ADAM17: variants seen among roughly 807,000 people sequenced by gnomAD.
ADAM17 encodes the protein disintegrin and metalloproteinase domain-containing protein 17.
In ADAM17, 39 loss-of-function variants were observed where a neutral mutation model predicts 96.7. The observed-to-expected ratio is 0.40, with a 90% CI of 0.31 to 0.53. ADAM17 has a LOEUF of 0.53. ADAM17 is among the 20% of genes least tolerant of loss of function. ADAM17 has a pLI of 0.44. For missense variants in ADAM17, 777 were observed against 1,013.2 expected (o/e 0.77, Z 3.17); for synonymous variants, 344 against 359.2 (o/e 0.96, Z 0.48).
chr2:9,491,084 T>G lies in ADAM17; in HGVS notation c.2133+17A>C, dbSNP rs1167969735. On this transcript the variant is annotated intron_variant, in intron 18 of 18. Coordinates refer to ENST00000310823, the MANE Select transcript of ADAM17 (RefSeq NM_003183.6). ...AGACCAGGCGAAGATTATGTTTCTT[T>G]CATATGGTATACTTACACTGGGGTG... 6.2e-7 allele frequency: 1 copy of G among 1,608,952 alleles called. No individual in the cohort carries two copies. The highest frequency in any genetic ancestry group is 1.1e-5 in the South Asian group (1 of 90,668).
intron 15 of ADAM17, 23 bp from the exon 16 acceptor site, chr2:9,493,848 C>G (rs1051166977): frequency 1.9e-6 from 3 of 1,581,400 alleles, no homozygotes; most frequent in Non-Finnish European, 2.6e-6. Context: ...AACATACATA[C>G]AGCATCATTC....
chr2:9,527,161 A>G (rs540693935), intron 5 of ADAM17, among the ~76,000 whole-genome samples: 15 of 152,216 alleles, frequency 9.9e-5, no homozygotes, highest in African/African-American at 3.6e-4. Flanking sequence ...CATCTCCACT[A>G]AAAATACAAA....
chr2:9,546,602 C>T (rs1033635003), intron 1 of ADAM17, among the ~76,000 whole-genome samples: 3 of 152,112 alleles, frequency 2.0e-5, no homozygotes, highest in Non-Finnish European at 4.4e-5. Context: ...TATCCATATC[C>T]AATTCTCTCA....
chr2:9,528,275 T>G (rs1664606209), intron 4 of ADAM17, among the ~76,000 whole-genome samples: 1 of 152,188 alleles, frequency 6.6e-6, no homozygotes, highest in African/African-American at 2.4e-5. Context: ...TTCAAAAATA[T>G]TATGTAATAT....
intron 4 of ADAM17, among the ~76,000 whole-genome samples, chr2:9,533,471 C>G (rs2125032432): frequency 6.6e-6 from 1 of 151,634 alleles, no homozygotes. Flanking sequence ...GGCTTGAACC[C>G]AGGAGGCAGA....
Position 9,489,149 on chromosome 2 carries a change from CTG to C in ADAM17, c.*1026_*1027del, listed in dbSNP as rs1661852291. Reference sequence around the variant, plus strand: ...GCTGGCTCATCACATTCAAAACAACCTGTTTTTTTTGTTGTTGTTGTTGTTAA... The same window carrying C: ...GCTGGCTCATCACATTCAAAACAACCTTTTTTTTGTTGTTGTTGTTGTTAA... On this transcript the variant is annotated 3_prime_UTR_variant, in exon 19 of 19. Transcript: ENST00000310823. 2.6e-5 allele frequency: 3 copies of C among 115,558 alleles called. No individual in the cohort carries two copies. Among genetic ancestry groups the C allele is most frequent in the African/African-American group, 9.4e-5 (3 of 31,918 alleles). 7.2% of individuals were successfully genotyped at this position (115,558 alleles called of 1,614,324 possible). A position where few individuals can be genotyped will look rare whatever the true frequency, so the allele number is the denominator to read the frequency against.
intron 17 of ADAM17, among the ~76,000 whole-genome samples, chr2:9,491,976 G>C (rs369619105): frequency 6.6e-6 from 1 of 152,182 alleles, no homozygotes; most frequent in East Asian, 1.9e-4. Flanking sequence ...CTTCAAGCAC[G>C]TCACCTTCAG....
At chr2:9,521,360 G>T in intron 7 of ADAM17, 44 bp from the exon 8 acceptor site, 1 of 1,367,788 alleles carries the variant, frequency 7.3e-7, no homozygotes, top group Non-Finnish European at 1.0e-6. Context: ...TCCAAAATAA[G>T]TCAGAAGGCT....
intron 14 of ADAM17, among the ~76,000 whole-genome samples, chr2:9,495,849 C>G (rs935554999): frequency 4.7e-5 from 7 of 150,084 alleles, no homozygotes; most frequent in African/African-American, 1.2e-4. Flanking sequence ...TTGGCATCTG[C>G]TACGTGTTAC....
At chr2:9,513,242 C>G (rs1393539921) in intron 10 of ADAM17, among the ~76,000 whole-genome samples, 1 of 152,212 alleles carries the variant, frequency 6.6e-6, no homozygotes, top group South Asian at 2.1e-4. Context: ...TATCTACCCA[C>G]CTCGGCCTCC....
Position 9,527,888 on chromosome 2 carries a change from TG to T in ADAM17, c.516del (p.Lys173ArgfsTer15). On this transcript the variant is annotated frameshift_variant, in exon 5 of 19. Coordinates refer to ENST00000310823, the MANE Select transcript of ADAM17 (RefSeq NM_003183.6). LOFTEE classifies it high-confidence loss of function. ...GGAGACTGCAAACGTGAAACATTCTTGATATCTTCAGATTTATAAACTAACA... is the reference window on the plus strand; with the variant it reads ...GGAGACTGCAAACGTGAAACATTCTTATATCTTCAGATTTATAAACTAACA... ...KRMLVYKSEDIKNVSRLQSPK... is the reference protein window; with the variant it reads ...KRMLVYKSEDXKNVSRLQSPK... 1 of 1,597,720 alleles carries T rather than the reference TG, an allele frequency of 6.3e-7. No individual in the cohort carries two copies. Among genetic ancestry groups the T allele is most frequent in the Non-Finnish European group, 8.5e-7 (1 of 1,170,668 alleles).
intron 10 of ADAM17, among the ~76,000 whole-genome samples, chr2:9,513,777 C>A (rs1663874219): frequency 1.3e-5 from 2 of 151,892 alleles, no homozygotes; most frequent in Non-Finnish European, 2.9e-5. Flanking sequence ...TGTAATCCAG[C>A]AGTTTGGGAG....
intron 10 of ADAM17, among the ~76,000 whole-genome samples, chr2:9,516,875 T>C (rs1435582354): frequency 1.3e-5 from 2 of 152,228 alleles, no homozygotes; most frequent in Non-Finnish European, 1.5e-5. Flanking sequence ...GACAGCAATA[T>C]ACTCAGCTAA....
intron 4 of ADAM17, among the ~76,000 whole-genome samples, chr2:9,532,638 ATTTTTTTT>A (rs70948827): frequency 8.8e-6 from 1 of 114,284 alleles, no homozygotes. Flanking sequence ...TGCCCAGCTA[ATTTTTTTT>A]TTTTTTTTTT....
chr2:9,547,561 T>C (rs1470869768), intron 1 of ADAM17, among the ~76,000 whole-genome samples: 1 of 152,046 alleles, frequency 6.6e-6, no homozygotes, highest in Non-Finnish European at 1.5e-5. Flanking sequence ...GGGCATAACA[T>C]ATGCTGAATT....
chr2:9,523,237 A>G lies in ADAM17; in HGVS notation c.843+12T>C, dbSNP rs200587170. ...AACTTAAGTAATATAAGCCATATCT[A>G]TTGATAAATACCTGCTCTATCTGTA... On this transcript the variant is annotated intron_variant, in intron 7 of 18. Transcript: ENST00000310823. The G allele has an allele frequency of 6.3e-7, 1 of 1,579,230 alleles. No individual in the cohort carries two copies. Among genetic ancestry groups the G allele is most frequent in the East Asian group, 2.2e-5 (1 of 44,560 alleles).
At chr2:9,497,057 C>A in intron 14 of ADAM17, 57 bp downstream of exon 14, 24 of 1,587,682 alleles carry the variant, frequency 1.5e-5, no homozygotes, top group Non-Finnish European at 2.1e-5. Flanking sequence ...GGAAGGGAGC[C>A]TGGCAGACAA....
Position 9,545,894 on chromosome 2 carries a change from G to A in ADAM17, c.98-2609C>T, listed in dbSNP as rs527858326. Among the ~76,000 whole-genome samples the A allele has an allele frequency of 1.7e-3, 265 of 151,868 alleles. 1 individual carries two copies. The highest frequency in any genetic ancestry group is 2.2e-3 in the Non-Finnish European group (150 of 67,962). On this transcript the variant is annotated intron_variant, in intron 1 of 18. Transcript: ENST00000310823. ...GAATTGCTTGACCCAAGGAGTTCGA[G>A]ACCAGCCTGGGCAAAATAGTGAGAC... is the stretch of plus-strand genomic sequence containing the variant.
intron 6 of ADAM17, among the ~76,000 whole-genome samples, chr2:9,524,948 G>A (rs1664456768): frequency 6.6e-6 from 1 of 152,066 alleles, no homozygotes; most frequent in Non-Finnish European, 1.5e-5. Context: ...TGCCTAAGAA[G>A]TTGTAAAAAA....
Sources: allele counts gnomAD v4.1 joint callset (sites outside exome capture counted in the v4.1 genomes callset), GRCh38; gene constraint gnomAD v4.1.1; transcripts MANE v1.5; gene names NCBI Gene and HGNC (gene_info 2026-07-23, HGNC 2026-07-21).